JARID2: variants seen among roughly 807,000 people sequenced by gnomAD.
JARID2 encodes protein Jumonji.
JARID2 carries 21 observed loss-of-function variants against 125.6 expected under a neutral mutation model. The observed-to-expected ratio is 0.17, with a 90% CI of 0.12 to 0.24. The LOEUF (loss-of-function observed/expected upper bound fraction) is 0.24. Ranked by LOEUF, JARID2 falls within the 10% of genes least tolerant of loss-of-function variation. The pLI, the probability that JARID2 is intolerant of heterozygous loss-of-function variation, is 1.00. For missense variants in JARID2, 1,303 were observed against 1,639.6 expected (o/e 0.79, Z 3.55); for synonymous variants, 736 against 661.6 (o/e 1.11, Z -1.73).
intron 11 of JARID2, among the ~76,000 whole-genome samples, chr6:15,507,631 C>T (rs1771072964): frequency 6.6e-6 from 1 of 152,226 alleles, no homozygotes; most frequent in South Asian, 2.1e-4. Flanking sequence ...AACCGCATGG[C>T]AGAGTCTGGA....
intron 3 of JARID2, among the ~76,000 whole-genome samples, chr6:15,422,924 T>G (rs1766563145): frequency 6.6e-6 from 1 of 152,040 alleles, no homozygotes; most frequent in Admixed American, 6.6e-5. Context: ...GAGTCCATCT[T>G]GTCTTCTCAT....
chr6:15,246,608 C>T, intron 1 of JARID2, 24 bp downstream of exon 1: 3 of 1,594,300 alleles, frequency 1.9e-6, no homozygotes, highest in Middle Eastern at 1.7e-4. Context: ...ACAACACATC[C>T]TTTGACTTGC....
Position 15,507,504 on chromosome 6 carries a change from C to T in JARID2, c.2731+88C>T, listed in dbSNP as rs1258990577. 3 of 1,123,238 alleles carry T rather than the reference C, an allele frequency of 2.7e-6. No individual in the cohort carries two copies. In the East Asian group the frequency reaches 7.1e-5, roughly 27 times the overall value. The allele number at this position is 1,123,238 out of a possible 1,614,324, so 69.6% of individuals were successfully genotyped here. ...CCAGGGCTGGGAAATCCCTTCTAAG[C>T]ACTGCCGGGGAGGGATGGCGTCTTC... On this transcript the variant is annotated intron_variant, in intron 11 of 17. Transcript: ENST00000341776.
intron 17 of JARID2, among the ~76,000 whole-genome samples, chr6:15,517,752 A>AGAGG (rs1455092202): frequency 6.6e-6 from 1 of 152,130 alleles, no homozygotes; most frequent in Admixed American, 6.5e-5. Flanking sequence ...GCTCTTCTGG[A>AGAGG]GAGGGGGGTC....
chr6:15,305,120 A>G (rs985148969), intron 1 of JARID2, among the ~76,000 whole-genome samples: 1 of 152,082 alleles, frequency 6.6e-6, no homozygotes, highest in Non-Finnish European at 1.5e-5. Flanking sequence ...CCAGCTGGTA[A>G]ATGAGCCTGG....
At chr6:15,293,130 C>G (rs750270175) in intron 1 of JARID2, among the ~76,000 whole-genome samples, 2 of 152,198 alleles carry the variant, frequency 1.3e-5, no homozygotes, top group Non-Finnish European at 2.9e-5. Context: ...ATTGTTTGAT[C>G]CAGTGCTTGA....
intron 2 of JARID2, among the ~76,000 whole-genome samples, chr6:15,403,226 G>C (rs189668733): frequency 1.3e-5 from 2 of 152,330 alleles, no homozygotes; most frequent in Non-Finnish European, 2.9e-5. Context: ...GAAGATCACG[G>C]CTCTTTGTTT....
chr6:15,270,393 A>G (rs1269784089), intron 1 of JARID2, among the ~76,000 whole-genome samples: 4 of 152,100 alleles, frequency 2.6e-5, no homozygotes, highest in African/African-American at 9.7e-5. Flanking sequence ...TGGCCTCCCA[A>G]AGTGCTGGGA....
At chr6:15,497,195 G>T in intron 7 of JARID2, 25 bp downstream of exon 7, 1 of 1,497,518 alleles carries the variant, frequency 6.7e-7, no homozygotes, top group East Asian at 2.5e-5. Context: ...GGGGTCAGGG[G>T]GTGGTGCCTG....
At chr6:15,281,515 T>C (rs1172340838) in intron 1 of JARID2, among the ~76,000 whole-genome samples, 3 of 152,244 alleles carry the variant, frequency 2.0e-5, no homozygotes, top group Non-Finnish European at 4.4e-5. Flanking sequence ...CCTTCTAGCC[T>C]TTCTGTGTAT....
chr6:15,491,553 C>T (rs1770151519), intron 6 of JARID2, among the ~76,000 whole-genome samples: 1 of 152,242 alleles, frequency 6.6e-6, no homozygotes, highest in South Asian at 2.1e-4. Context: ...TGGCAGAGGC[C>T]TCGGCTCAAC....
At chr6:15,406,512 T>A (rs1170921339) in intron 2 of JARID2, among the ~76,000 whole-genome samples, 4 of 152,150 alleles carry the variant, frequency 2.6e-5, no homozygotes, top group Admixed American at 2.0e-4. Context: ...ATTTTATGAA[T>A]CTGGAACATG....
intron 3 of JARID2, among the ~76,000 whole-genome samples, chr6:15,451,798 C>T (rs1161192219): frequency 1.3e-5 from 2 of 152,132 alleles, no homozygotes; most frequent in Non-Finnish European, 2.9e-5. Flanking sequence ...TATCCATGTA[C>T]AAAACATAGT....
intron 1 of JARID2, among the ~76,000 whole-genome samples, chr6:15,273,210 T>C (rs1461988053): frequency 7.2e-5 from 11 of 152,162 alleles, no homozygotes; most frequent in Admixed American, 7.2e-4. Flanking sequence ...TATTTTAAAA[T>C]ACCTGAGTTT....
chr6:15,413,003 T>TTTTG (rs1765956129), intron 3 of JARID2, among the ~76,000 whole-genome samples: 1 of 58,726 alleles, frequency 1.7e-5, no homozygotes, highest in Non-Finnish European at 3.3e-5. Context: ...AGAGCTTGTG[T>TTTTG]TTTTGTTTTT....
chr6:15,401,912 T>C (rs1765453151), intron 2 of JARID2, among the ~76,000 whole-genome samples: 2 of 151,754 alleles, frequency 1.3e-5, no homozygotes, highest in African/African-American at 4.8e-5. Context: ...TTTTTTTTTT[T>C]TTTTTTTTAC....
intron 3 of JARID2, among the ~76,000 whole-genome samples, chr6:15,447,924 G>A (rs1341441220): frequency 2.6e-5 from 4 of 152,132 alleles, no homozygotes; most frequent in African/African-American, 7.2e-5. Context: ...CCTATATCCA[G>A]CATTCTAGAA....
At position 15,246,086 on chromosome 6, in the gene JARID2, T is replaced by G. The variant is rs1288219692; in HGVS notation, c.-454T>G. Among the ~76,000 whole-genome samples, 1 of 152,236 alleles carries G rather than the reference T, an allele frequency of 6.6e-6. No individual in the cohort carries two copies. Among genetic ancestry groups the G allele is most frequent in the East Asian group, 1.9e-4 (1 of 5,196 alleles). On this transcript the variant is annotated 5_prime_UTR_variant, in exon 1 of 18. Transcript: ENST00000341776. ...CCGCCGCTGGAGTTGACTCTTCTGC[T>G]CGCACTGCTGCTGCAGCACAAACGT...
chr6:15,416,126 G>T (rs371179899), intron 3 of JARID2, among the ~76,000 whole-genome samples: 2 of 150,740 alleles, frequency 1.3e-5, no homozygotes, highest in South Asian at 2.1e-4. Flanking sequence ...TTCCTAGATG[G>T]GATGGCGGCC....
Sources: allele counts gnomAD v4.1 joint callset (sites outside exome capture counted in the v4.1 genomes callset), GRCh38; gene constraint gnomAD v4.1.1; transcripts MANE v1.5; gene names NCBI Gene and HGNC (gene_info 2026-07-23, HGNC 2026-07-21).